Variants in DENND1B observed in about 807,000 individuals in gnomAD.
DENND1B encodes DENN domain containing 1B.
DENND1B carries 59 observed loss-of-function variants against 90.1 expected under a neutral mutation model. That is an observed-to-expected ratio of 0.65 (90% CI 0.53 to 0.81). The LOEUF (loss-of-function observed/expected upper bound fraction) is 0.81. DENND1B is among the 40% of genes least tolerant of loss of function. The pLI is 0.00. For synonymous variants in DENND1B, 337 were observed against 324.6 expected (o/e 1.04, Z -0.41); for missense variants, 862 against 912.6 (o/e 0.94, Z 0.71).
chr1:197,544,916 G>A (rs1670640132), intron 18 of DENND1B, among the ~76,000 whole-genome samples: 1 of 145,150 alleles, frequency 6.9e-6, no homozygotes, highest in Non-Finnish European at 1.5e-5. Flanking sequence ...AAGAAGAAAA[G>A]AAGAAGAAAA....
chr1:197,721,359 G>A (rs187077862), intron 2 of DENND1B, among the ~76,000 whole-genome samples: 3 of 152,064 alleles, frequency 2.0e-5, no homozygotes, highest in South Asian at 4.1e-4. Context: ...TTGAGCCACC[G>A]TGCCTGGCCG....
rs570025354 is a variant in DENND1B at position 197,718,635 on chromosome 1, T to C, written c.83-3561A>G. Among the ~76,000 whole-genome samples, 3 of 151,980 alleles carry C rather than the reference T, an allele frequency of 2.0e-5. No individual in the cohort carries two copies. The South Asian group carries it at 6.2e-4, about 32-fold the overall frequency. ...ACTGCAGGAGCACATAATAAGGAAA[T>C]ATAATTTAGAGAGTCACTAAAGGAC... On this transcript the variant is annotated intron_variant, in intron 2 of 22. Transcript: ENST00000620048.
At chr1:197,692,921 T>C (rs193128442) in intron 3 of DENND1B, among the ~76,000 whole-genome samples, 158 of 151,692 alleles carry the variant, frequency 1.0e-3, no homozygotes, top group African/African-American at 3.8e-3. Flanking sequence ...CAGTCAGAGG[T>C]TTCCTTCTAC....
intron 3 of DENND1B, among the ~76,000 whole-genome samples, chr1:197,707,332 A>G (rs1231050102): frequency 6.6e-6 from 1 of 152,038 alleles, no homozygotes; most frequent in African/African-American, 2.4e-5. Context: ...AGATAGGAGG[A>G]ATGGTGTTCT....
chr1:197,753,429 T>A (rs1309594584), intron 2 of DENND1B, among the ~76,000 whole-genome samples: 1 of 152,066 alleles, frequency 6.6e-6, no homozygotes, highest in Non-Finnish European at 1.5e-5. Flanking sequence ...GCACAGAGAA[T>A]ATTTAGGGCA....
At chr1:197,587,853 T>G (rs1335769397) in intron 14 of DENND1B, among the ~76,000 whole-genome samples, 1 of 152,120 alleles carries the variant, frequency 6.6e-6, no homozygotes, top group Non-Finnish European at 1.5e-5. Context: ...CTGAGCTTGT[T>G]TTCTTGCAAC....
At chr1:197,675,245 A>T (rs1655934949) in intron 3 of DENND1B, among the ~76,000 whole-genome samples, 1 of 152,172 alleles carries the variant, frequency 6.6e-6, no homozygotes, top group Non-Finnish European at 1.5e-5. Flanking sequence ...TACAGAAGTC[A>T]TCAATATCTG....
rs1228318820 is a variant in DENND1B, at chr1:197,642,612, TA to T, written c.672+98del. 4.0e-6 allele frequency: 3 copies of T among 746,106 alleles called. No individual in the cohort carries two copies. The East Asian group carries it at 8.3e-5, about 21-fold the overall frequency. The allele number at this position is 746,106 out of a possible 1,614,324, so 46.2% of individuals were successfully genotyped here. A position where few individuals can be genotyped will look rare whatever the true frequency, so the allele number is the denominator to read the frequency against. ...TCAAAAACGTATGTAGATATTGTCTTATAAGTACACATAGCACATTTCTAAA... is the reference window on the plus strand; with the variant it reads ...TCAAAAACGTATGTAGATATTGTCTTTAAGTACACATAGCACATTTCTAAA... On this transcript the variant is annotated intron_variant, in intron 10 of 22. Transcript: ENST00000620048.
chr1:197,607,269 A>T, intron 12 of DENND1B, 95 bp from the exon 13 acceptor site: 1 of 780,272 alleles, frequency 1.3e-6, no homozygotes, highest in South Asian at 3.0e-5. Flanking sequence ...TTAATGCATT[A>T]GGCTTGGGAA....
At chr1:197,551,095 ACACACACACACACACACC>A (rs1257970754) in intron 16 of DENND1B, among the ~76,000 whole-genome samples, 3 of 75,474 alleles carry the variant, frequency 4.0e-5, no homozygotes, top group African/African-American at 1.4e-4. Context: ...ACACACACAC[ACACACACACACACACACC>A]CCCTAGATAG....
At chr1:197,731,628 T>A (rs1662156754) in intron 2 of DENND1B, among the ~76,000 whole-genome samples, 1 of 152,204 alleles carries the variant, frequency 6.6e-6, no homozygotes, top group Non-Finnish European at 1.5e-5. Flanking sequence ...GTCCAATCTT[T>A]TGGCTTCCCT....
At position 197,595,244 on chromosome 1, in the gene DENND1B, C is replaced by T; in HGVS notation, c.1011G>A (p.Leu337=). ...ARAFLRAQAA[L]FGSYRDALRY... is the part of the protein sequence containing the mutation. ...TCAGTGCATCTCTGTAGGATCCAAA[C>T]AAAGCAGCCTGTGCTCTAAGAAAGG... The change falls in exon 14 of 23, where the codon TTG becomes TTA. Residue 337 remains leucine, a synonymous_variant. Transcript: ENST00000620048. 6.2e-7 allele frequency: 1 copy of T among 1,613,248 alleles called. No individual in the cohort carries two copies. Among genetic ancestry groups the T allele is most frequent in the Non-Finnish European group, 8.5e-7 (1 of 1,179,414 alleles).
chr1:197,644,263 C>T (rs940770062), intron 9 of DENND1B, among the ~76,000 whole-genome samples: 29 of 152,176 alleles, frequency 1.9e-4, no homozygotes, highest in African/African-American at 6.3e-4. Context: ...TGCTTATTCT[C>T]TTGCTTTCTT....
chr1:197,563,244 T>C (rs577320068), intron 15 of DENND1B, among the ~76,000 whole-genome samples: 14 of 152,108 alleles, frequency 9.2e-5, no homozygotes, highest in African/African-American at 3.4e-4. Flanking sequence ...GAAGATATCA[T>C]CCACGACATT....
rs1303691985 is a variant in DENND1B, at chr1:197,759,329, AAAG to A, written c.82+13536_82+13538del. On this transcript the variant is annotated intron_variant, in intron 2 of 22. Transcript: ENST00000620048. ...AAAAGAAATTAATATAAAATAATAA[AAAG>A]AAGCAAAATACAATTAAAAGTAAAA... Among the ~76,000 whole-genome samples, 12 of 151,664 alleles carry A rather than the reference AAAG, an allele frequency of 7.9e-5. 1 individual carries two copies. The highest frequency in any genetic ancestry group is 6.8e-3 in the Middle Eastern group (2 of 294).
At chr1:197,617,496 C>A (rs1407769811) in intron 11 of DENND1B, among the ~76,000 whole-genome samples, 163 bp downstream of exon 11, 1 of 151,138 alleles carries the variant, frequency 6.6e-6, no homozygotes, top group Non-Finnish European at 1.5e-5. Flanking sequence ...TACCTTTGTA[C>A]AGAATTATTC....
intron 15 of DENND1B, among the ~76,000 whole-genome samples, chr1:197,567,381 C>T (rs1260587537): frequency 6.6e-6 from 1 of 151,866 alleles, no homozygotes; most frequent in Non-Finnish European, 1.5e-5. Flanking sequence ...AAAGAAAACC[C>T]CAGACCTGAT....
chr1:197,640,719 A>G (rs981942555), intron 10 of DENND1B, among the ~76,000 whole-genome samples: 4 of 152,168 alleles, frequency 2.6e-5, no homozygotes, highest in Non-Finnish European at 5.9e-5. Context: ...TTTCAAAAAC[A>G]TATACTCAGA....
chr1:197,772,425 A>G (rs888129901), intron 2 of DENND1B, among the ~76,000 whole-genome samples: 1 of 152,230 alleles, frequency 6.6e-6, no homozygotes, highest in African/African-American at 2.4e-5. Context: ...GAGACACTCA[A>G]TGCAGAATAC....
Sources: allele counts gnomAD v4.1 joint callset (sites outside exome capture counted in the v4.1 genomes callset), GRCh38; gene constraint gnomAD v4.1.1; transcripts MANE v1.5; gene names NCBI Gene and HGNC (gene_info 2026-07-23, HGNC 2026-07-21).